The following ACO2 variants were observed in gnomAD, a reference collection of about 807,000 sequenced individuals.
The protein encoded by ACO2 is aconitate hydratase, mitochondrial.
In ACO2, 31 loss-of-function variants were observed where a neutral mutation model predicts 84.5. The observed-to-expected ratio is 0.37, with a 90% CI of 0.28 to 0.50. The LOEUF is 0.50. ACO2 is among the 20% of genes least tolerant of loss of function. The probability of loss-of-function intolerance (pLI) is 0.97; values close to 1 mark genes in which losing one functional copy is unlikely to be tolerated. For missense variants in ACO2, 685 were observed against 1,029.3 expected (o/e 0.67, Z 4.58); for synonymous variants, 414 against 412.7 (o/e 1.00, Z -0.04).
chr22:41,524,690 C>T (rs1415856449), intron 12 of ACO2, among the ~76,000 whole-genome samples, 156 bp from the exon 13 acceptor site: 3 of 152,214 alleles, frequency 2.0e-5, no homozygotes, highest in Admixed American at 6.5e-5. Flanking sequence ...TCCCAAAGAT[C>T]GTCCTGCAGC....
At chr22:41,488,417 T>G (rs1347992245) in intron 1 of ACO2, among the ~76,000 whole-genome samples, 1 of 152,202 alleles carries the variant, frequency 6.6e-6, no homozygotes, top group African/African-American at 2.4e-5. Context: ...TTGGAAAAGC[T>G]TGGAAGCCTC....
Position 41,515,565 on chromosome 22 carries a change from T to C in ACO2, c.684+30T>C. 3.8e-6 allele frequency: 6 copies of C among 1,592,442 alleles called. No homozygotes were observed. The highest frequency in any genetic ancestry group is 5.1e-6 in the Non-Finnish European group (6 of 1,168,382). On this transcript the variant is annotated intron_variant, in intron 5 of 17. Transcript: ENST00000216254. The surrounding 1 kb of genome is among the most constrained non-coding windows in gnomAD (Gnocchi z 5.8). Reference sequence around the variant, plus strand: ...GGGTGGGGAGGGACTCATTCTGGGCTGGCTGTGGGGTGGTGGTTGGTGGGG... The same window carrying C: ...GGGTGGGGAGGGACTCATTCTGGGCCGGCTGTGGGGTGGTGGTTGGTGGGG...
In ACO2 at chr22:41,520,294, C is replaced by T; in HGVS notation, c.1138+18C>T. The T allele has an allele frequency of 6.2e-7, 1 of 1,601,790 alleles. No homozygotes were observed. Among genetic ancestry groups the T allele is most frequent in the South Asian group, 1.1e-5 (1 of 90,604 alleles). On this transcript the variant is annotated intron_variant, in intron 9 of 17. Transcript: ENST00000216254. ...CCGAGTGGGTGAGCACCTTCCACCC[C>T]ATCTGTTTAGCAGGTCTCAGGGCCA... is the stretch of plus-strand genomic sequence containing the variant.
chr22:41,520,132 C>G, intron 8 of ACO2, 39 bp from the exon 9 acceptor site: 5 of 1,555,832 alleles, frequency 3.2e-6, no homozygotes, highest in Non-Finnish European at 4.4e-6. Flanking sequence ...AGGTTTCTTC[C>G]CTCCTCTCTT....
At chr22:41,527,205 G>A in intron 15 of ACO2, 83 bp from the exon 16 acceptor site, 3 of 1,598,012 alleles carry the variant, frequency 1.9e-6, no homozygotes, top group Admixed American at 3.4e-5. Flanking sequence ...GGCGCCAGGT[G>A]GGTGAGGCCA....
At chr22:41,481,381 G>A (rs899085531) in intron 1 of ACO2, among the ~76,000 whole-genome samples, 1 of 152,212 alleles carries the variant, frequency 6.6e-6, no homozygotes, top group Non-Finnish European at 1.5e-5. Flanking sequence ...GCCTGTTTGG[G>A]TGGCTCGGCA....
rs370986348 is a variant in ACO2 at position 41,511,870 on chromosome 22, C to T, written c.433-6C>T. ...CTAACGCCCAATTATTGATTTGTCT[C>T]AATAGGACATCAACCAGGAAGTTTA... On this transcript the variant is annotated splice_polypyrimidine_tract_variant and splice_region_variant and intron_variant, in intron 3 of 17. Coordinates refer to ENST00000216254, the MANE Select transcript of ACO2 (RefSeq NM_001098.3). The T allele has an allele frequency of 1.4e-5, 23 of 1,602,638 alleles. 1 individual carries two copies. In the Admixed American group the frequency reaches 2.7e-4, roughly 19 times the overall value.
chr22:41,475,775 G>T (rs1408669306), intron 1 of ACO2, among the ~76,000 whole-genome samples: 1 of 151,858 alleles, frequency 6.6e-6, no homozygotes, highest in African/African-American at 2.4e-5. Context: ...GCGCATGCCT[G>T]TGATCCCAGC....
intron 8 of ACO2, 85 bp from the exon 9 acceptor site, chr22:41,520,086 C>T (rs750029844): frequency 1.4e-5 from 17 of 1,186,436 alleles, no homozygotes; most frequent in East Asian, 2.5e-5. Flanking sequence ...TCTGTGGGGA[C>T]GTGGTGAGGC....
chr22:41,492,053 G>A (rs771929897), intron 1 of ACO2, among the ~76,000 whole-genome samples: 1 of 152,172 alleles, frequency 6.6e-6, no homozygotes, highest in East Asian at 1.9e-4. Flanking sequence ...ACCAGCTATC[G>A]AATTCTGACT....
intron 2 of ACO2, among the ~76,000 whole-genome samples, chr22:41,503,808 G>A (rs575153265): frequency 5.9e-5 from 9 of 152,282 alleles, no homozygotes; most frequent in East Asian, 3.9e-4. Flanking sequence ...ATCCTACAGC[G>A]CACAGGGCAG....
intron 11 of ACO2, among the ~76,000 whole-genome samples, chr22:41,523,600 C>G (rs1034550264): frequency 6.6e-6 from 1 of 152,204 alleles, no homozygotes; most frequent in Non-Finnish European, 1.5e-5. Flanking sequence ...AGGCCTTGAC[C>G]AAGGCCTTGC....
At chr22:41,517,238 G>C in intron 6 of ACO2, 1 of 406,176 alleles carries the variant, frequency 2.5e-6, no homozygotes, top group Non-Finnish European at 4.7e-6. Context: ...CAGGCCCCAA[G>C]CTCGCAGCTC....
intron 1 of ACO2, among the ~76,000 whole-genome samples, chr22:41,493,539 T>G (rs2066289815): frequency 6.6e-6 from 1 of 152,190 alleles, no homozygotes; most frequent in Non-Finnish European, 1.5e-5. Flanking sequence ...TGTCTTTTAC[T>G]TTTTTGTTGC....
chr22:41,485,607 ATTT>A (rs1008974811), intron 1 of ACO2, among the ~76,000 whole-genome samples: 1 of 150,248 alleles, frequency 6.7e-6, no homozygotes, highest in Non-Finnish European at 1.5e-5. Flanking sequence ...CGCCCGGCAA[ATTT>A]TTTTTTGTAT....
intron 11 of ACO2, among the ~76,000 whole-genome samples, 162 bp from the exon 12 acceptor site, chr22:41,523,668 C>T (rs918675583): frequency 1.3e-5 from 2 of 152,172 alleles, no homozygotes; most frequent in Non-Finnish European, 2.9e-5. Context: ...CCCTTCTGCT[C>T]TGCGCGTGGC....
At chr22:41,506,680 G>T (rs938184651) in intron 2 of ACO2, among the ~76,000 whole-genome samples, 1 of 152,204 alleles carries the variant, frequency 6.6e-6, no homozygotes, top group African/African-American at 2.4e-5. Flanking sequence ...ACCACACCAG[G>T]CCCCCAGGTC....
intron 1 of ACO2, among the ~76,000 whole-genome samples, chr22:41,472,854 T>A (rs2037962835): frequency 6.6e-6 from 1 of 152,200 alleles, no homozygotes; most frequent in East Asian, 1.9e-4. Context: ...GTTGCAAGTA[T>A]GTTTATTAGG....
intron 14 of ACO2, 34 bp downstream of exon 14, chr22:41,525,382 C>A (rs928078617): frequency 8.7e-6 from 14 of 1,608,340 alleles, no homozygotes; most frequent in Middle Eastern, 2.0e-4. Flanking sequence ...ACAGCCCCAC[C>A]CTGCCAGGGC....
Sources: allele counts gnomAD v4.1 joint callset (sites outside exome capture counted in the v4.1 genomes callset), GRCh38; gene constraint gnomAD v4.1.1; non-coding constraint Gnocchi (gnomAD v3.1); transcripts MANE v1.5; gene names NCBI Gene and HGNC (gene_info 2026-07-23, HGNC 2026-07-21).